LRBA: variants seen among roughly 807,000 people sequenced by gnomAD.
The protein encoded by LRBA is LPS responsive beige-like anchor protein.
A neutral mutation model predicts 330.0 loss-of-function variants in LRBA; 176 were observed. The ratio of observed to expected loss-of-function variants is 0.53; its 90% CI spans 0.47 to 0.60. The LOEUF is 0.60. Ranked by LOEUF, LRBA falls within the 20% of genes least tolerant of loss-of-function variation. The pLI, the probability that LRBA is intolerant of heterozygous loss-of-function variation, is 0.00. For synonymous variants in LRBA, 1,230 were observed against 1,193.0 expected, an observed-to-expected ratio of 1.03 and a Z score of -0.64; for missense variants, 3,259 against 3,444.8, an observed-to-expected ratio of 0.95 and a Z score of 1.35.
intron 53 of LRBA, among the ~76,000 whole-genome samples, chr4:150,293,729 A>T (rs1728618867): frequency 6.6e-6 from 1 of 152,228 alleles, no homozygotes; most frequent in South Asian, 2.1e-4. Context: ...ACCCTTGAAC[A>T]ACATAGGTTT....
At chr4:150,657,990 T>G (rs1222115272) in intron 37 of LRBA, among the ~76,000 whole-genome samples, 1 of 152,088 alleles carries the variant, frequency 6.6e-6, no homozygotes, top group East Asian at 1.9e-4. Context: ...ATGGTGAAGG[T>G]AAAGAAATAA....
At chr4:150,839,862 T>C (rs899030467) in intron 28 of LRBA, among the ~76,000 whole-genome samples, 1 of 151,874 alleles carries the variant, frequency 6.6e-6, no homozygotes. Context: ...GTTGTGCACA[T>C]GTACCCTAGA....
intron 47 of LRBA, among the ~76,000 whole-genome samples, chr4:150,395,539 C>T (rs1174713137): frequency 2.6e-5 from 4 of 151,974 alleles, no homozygotes; most frequent in South Asian, 2.1e-4. Context: ...AGCTTGAGTC[C>T]GATACTCACA....
chr4:150,683,869 G>C (rs1330790684), intron 36 of LRBA, 152 bp from the exon 37 acceptor site: 8 of 583,258 alleles, frequency 1.4e-5, no homozygotes, highest in Non-Finnish European at 2.4e-5. Context: ...GTGATCTGCT[G>C]TCTCAATAAA....
intron 36 of LRBA, among the ~76,000 whole-genome samples, chr4:150,706,996 T>C (rs1301925921): frequency 1.3e-5 from 2 of 151,718 alleles, no homozygotes; most frequent in Non-Finnish European, 3.0e-5. Flanking sequence ...GTATAAAAAT[T>C]CTTCAGAAAA....
intron 53 of LRBA, among the ~76,000 whole-genome samples, chr4:150,291,337 A>C (rs1728263649): frequency 1.6e-5 from 1 of 63,720 alleles, no homozygotes; most frequent in Admixed American, 2.0e-4. Context: ...ACAAAGGGCT[A>C]ATATCCAGAA....
intron 2 of LRBA, among the ~76,000 whole-genome samples, chr4:150,970,306 C>T (rs569498990): frequency 6.6e-6 from 1 of 151,702 alleles, no homozygotes; most frequent in African/African-American, 2.4e-5. Context: ...TTAAGACCAG[C>T]CTGGGCAACT....
At chr4:150,508,977 T>G (rs904329186) in intron 40 of LRBA, among the ~76,000 whole-genome samples, 4 of 152,196 alleles carry the variant, frequency 2.6e-5, no homozygotes, top group African/African-American at 9.6e-5. Context: ...ATAAAGTATA[T>G]TCTCTGACTA....
intron 34 of LRBA, among the ~76,000 whole-genome samples, chr4:150,797,326 T>C (rs113555070): frequency 2.6e-5 from 4 of 152,022 alleles, no homozygotes; most frequent in Non-Finnish European, 4.4e-5. Flanking sequence ...CCTTGACCTC[T>C]AGACCAATAC....
intron 48 of LRBA, among the ~76,000 whole-genome samples, chr4:150,341,325 CTAA>C (rs1283749856): frequency 6.6e-6 from 1 of 151,950 alleles, no homozygotes; most frequent in African/African-American, 2.4e-5. Context: ...CCACGCCTGG[CTAA>C]TTATTTGTAT....
At chr4:150,512,739 A>G (rs944559466) in intron 40 of LRBA, among the ~76,000 whole-genome samples, 1 of 144,636 alleles carries the variant, frequency 6.9e-6, no homozygotes, top group Admixed American at 6.9e-5. Flanking sequence ...AAAAAAAAAA[A>G]GATGAAGAGT....
chr4:150,324,814 A>G (rs1279138621), intron 49 of LRBA, among the ~76,000 whole-genome samples: 6 of 152,202 alleles, frequency 3.9e-5, no homozygotes, highest in Non-Finnish European at 8.8e-5. Flanking sequence ...GCAATGAGCA[A>G]CTTCTTTTTA....
At chr4:150,299,711 AT>A (rs1560982027) in intron 53 of LRBA, among the ~76,000 whole-genome samples, 1 of 152,016 alleles carries the variant, frequency 6.6e-6, no homozygotes, top group Non-Finnish European at 1.5e-5. Flanking sequence ...TATTCCCATG[AT>A]TTTTTAAATA....
At chr4:150,845,390 A>T (rs1260438605) in intron 26 of LRBA, among the ~76,000 whole-genome samples, 1 of 152,178 alleles carries the variant, frequency 6.6e-6, no homozygotes, top group Admixed American at 6.5e-5. Context: ...CAGGAAAGGG[A>T]ATTTGATTAA....
Position 150,905,986 on chromosome 4 carries a change from GA to G in LRBA, c.1606del (p.Ser536ProfsTer20). 1 of 1,612,214 alleles carries G rather than the reference GA, an allele frequency of 6.2e-7. No homozygotes were observed. The highest frequency in any genetic ancestry group is 8.5e-7 in the Non-Finnish European group (1 of 1,179,124). ...TACTGCTCTGCTAACATGAGATTTG[GA>G]AGACTGCAAAAAAAGTAGTTCAAAT... Reference protein sequence around the residue: ...LVIGYSLEKSSKSHVSRAVLE... With the variant: ...LVIGYSLEKSXKSHVSRAVLE... On this transcript the variant is annotated frameshift_variant, in exon 13 of 57. Transcript: ENST00000651943. LOFTEE classifies it high-confidence loss of function.
chr4:150,773,071 A>C (rs1248155415), intron 34 of LRBA, among the ~76,000 whole-genome samples: 4 of 152,174 alleles, frequency 2.6e-5, no homozygotes. Context: ...ACAACACTGG[A>C]GCCCTAGAAA....
intron 2 of LRBA, among the ~76,000 whole-genome samples, chr4:150,933,809 C>A (rs954706815): frequency 2.0e-5 from 3 of 151,904 alleles, no homozygotes; most frequent in African/African-American, 7.3e-5. Context: ...TCAGAGAGTT[C>A]AAGACCAGCC....
intron 37 of LRBA, among the ~76,000 whole-genome samples, chr4:150,615,726 C>A (rs1775712567): frequency 6.6e-6 from 1 of 152,034 alleles, no homozygotes; most frequent in African/African-American, 2.4e-5. Flanking sequence ...AACTATTTGC[C>A]AAATCCCTTT....
chr4:150,776,149 A>T (rs1737299451), intron 34 of LRBA, among the ~76,000 whole-genome samples: 1 of 152,118 alleles, frequency 6.6e-6, no homozygotes, highest in South Asian at 2.1e-4. Context: ...AAAGTTTAAA[A>T]ATCAAGAAAC....
Sources: allele counts gnomAD v4.1 joint callset (sites outside exome capture counted in the v4.1 genomes callset), GRCh38; gene constraint gnomAD v4.1.1; transcripts MANE v1.5; gene names NCBI Gene and HGNC (gene_info 2026-07-23, HGNC 2026-07-21).